Variants in MAPK8 observed in about 807,000 individuals in gnomAD.
The protein encoded by MAPK8 is JUN N-terminal kinase.
A neutral mutation model predicts 52.9 loss-of-function variants in MAPK8; 13 were observed. The ratio of observed to expected loss-of-function variants is 0.25; its 90% confidence interval spans 0.16 to 0.39. MAPK8 has a LOEUF of 0.39. Ranked by LOEUF, MAPK8 falls within the 10% of genes least tolerant of loss-of-function variation. MAPK8 has a pLI of 1.00. For synonymous variants in MAPK8, 191 were observed against 169.8 expected, an observed-to-expected ratio of 1.12 and a Z score of -0.97; for missense variants, 300 against 519.2, an observed-to-expected ratio of 0.58 and a Z score of 4.10.
At position 48,372,332 on chromosome 10, in the gene MAPK8, A is replaced by G. The variant is rs899533427; in HGVS notation, c.-49-29280A>G. On this transcript the variant is annotated intron_variant, in intron 1 of 11. Coordinates refer to ENST00000374189, the MANE Select transcript of MAPK8 (RefSeq NM_001323329.2). ...ACCTCTTCTCCTCCAAAGGATCACA[A>G]CTCCTCACCAGCAAGGCAACAAAAC... is the stretch of plus-strand genomic sequence containing the variant. Among the ~76,000 whole-genome samples, 5 of 152,056 alleles carry G rather than the reference A, an allele frequency of 3.3e-5. No individual in the cohort carries two copies. In the South Asian group the frequency reaches 1.0e-3, roughly 32 times the overall value.
intron 1 of MAPK8, among the ~76,000 whole-genome samples, chr10:48,398,328 AT>A (rs2132934792): frequency 6.6e-6 from 1 of 152,334 alleles, no homozygotes; most frequent in East Asian, 1.9e-4. Flanking sequence ...ACCAAAAATA[AT>A]TACATAAACG....
chr10:48,361,135 C>G (rs1847481808), intron 1 of MAPK8, among the ~76,000 whole-genome samples: 1 of 152,142 alleles, frequency 6.6e-6, no homozygotes, highest in African/African-American at 2.4e-5. Context: ...AGACCAGCTA[C>G]TTTTATACAT....
intron 6 of MAPK8, among the ~76,000 whole-genome samples, chr10:48,421,303 A>G (rs572793263): frequency 1.3e-5 from 2 of 152,322 alleles, no homozygotes; most frequent in African/African-American, 4.8e-5. Flanking sequence ...TTAAGTAAAT[A>G]TGCTGTTCTT....
rs1271377469 is a variant in MAPK8, at chr10:48,433,490, C to CT, written c.1139-1393dup. ...TAGAATATACTATCTGAATTTCACT[C>CT]TGACTGGGAAGCTAATGGACCTTTC... On this transcript the variant is annotated intron_variant, in intron 11 of 11. Coordinates refer to ENST00000374189, the MANE Select transcript of MAPK8 (RefSeq NM_001323329.2). 2.6e-5 allele frequency among the ~76,000 whole-genome samples: 4 copies of CT among 152,140 alleles called. No homozygotes were observed. The South Asian group carries it at 6.2e-4, about 24-fold the overall frequency.
intron 11 of MAPK8, 34 bp from the exon 12 acceptor site, chr10:48,434,850 C>T (rs754232914): frequency 1.3e-6 from 2 of 1,578,572 alleles, no homozygotes; most frequent in Admixed American, 3.5e-5. Flanking sequence ...CAGCTGTCTG[C>T]AACTGATTTG....
At chr10:48,321,268 T>C (rs1842973601) in intron 1 of MAPK8, among the ~76,000 whole-genome samples, 2 of 151,890 alleles carry the variant, frequency 1.3e-5, no homozygotes, top group African/African-American at 2.4e-5. Flanking sequence ...TTAAAATTTT[T>C]TGTAGAGATG....
intron 5 of MAPK8, among the ~76,000 whole-genome samples, chr10:48,413,497 G>A (rs1328554200): frequency 2.0e-5 from 3 of 151,918 alleles, no homozygotes; most frequent in Admixed American, 1.3e-4. Context: ...GTGGTTTCCT[G>A]TTTTTAAGTT....
chr10:48,312,000 T>G (rs914084224), intron 1 of MAPK8, among the ~76,000 whole-genome samples: 2 of 152,216 alleles, frequency 1.3e-5, no homozygotes, highest in African/African-American at 4.8e-5. Context: ...AAGATAAGGA[T>G]TAACGTAAGC....
At chr10:48,360,122 G>A (rs184241951) in intron 1 of MAPK8, among the ~76,000 whole-genome samples, 38 of 152,160 alleles carry the variant, frequency 2.5e-4, no homozygotes, top group Admixed American at 1.6e-3. Context: ...AGCCGAGATC[G>A]TGTCACTGCA....
chr10:48,374,807 G>T (rs1325363498), intron 1 of MAPK8, among the ~76,000 whole-genome samples: 1 of 152,086 alleles, frequency 6.6e-6, no homozygotes, highest in Non-Finnish European at 1.5e-5. Flanking sequence ...TCTACCAGAG[G>T]TACAAAGAGG....
chr10:48,354,769 G>A (rs1005539211), intron 1 of MAPK8, among the ~76,000 whole-genome samples: 4 of 151,640 alleles, frequency 2.6e-5, no homozygotes, highest in Admixed American at 1.3e-4. Context: ...TTTGCAGTGC[G>A]AATTTAACGC....
intron 1 of MAPK8, among the ~76,000 whole-genome samples, chr10:48,379,541 G>C (rs1268781635): frequency 6.6e-6 from 1 of 152,096 alleles, no homozygotes; most frequent in Non-Finnish European, 1.5e-5. Context: ...AAAGAGGAAG[G>C]TAAATGTTTC....
At chr10:48,406,980 G>A (rs1200777168) in intron 3 of MAPK8, among the ~76,000 whole-genome samples, 1 of 152,118 alleles carries the variant, frequency 6.6e-6, no homozygotes, top group Non-Finnish European at 1.5e-5. Flanking sequence ...TTTGTTACAG[G>A]CCTGCCTTAC....
At chr10:48,397,135 G>C (rs1356512387) in intron 1 of MAPK8, among the ~76,000 whole-genome samples, 1 of 151,554 alleles carries the variant, frequency 6.6e-6, no homozygotes, top group South Asian at 2.1e-4. Flanking sequence ...ATTACTTATG[G>C]TAATTTTAAT....
chr10:48,325,673 A>G (rs1843450755), intron 1 of MAPK8, among the ~76,000 whole-genome samples: 1 of 152,212 alleles, frequency 6.6e-6, no homozygotes, highest in Non-Finnish European at 1.5e-5. Flanking sequence ...TACATTATTA[A>G]CTAAAATCCA....
In MAPK8 at chr10:48,437,843, G is replaced by A. The variant is rs1284057456; in HGVS notation, c.*2814G>A. On this transcript the variant is annotated 3_prime_UTR_variant, in exon 12 of 12. Coordinates refer to ENST00000374189, the MANE Select transcript of MAPK8 (RefSeq NM_001323329.2). ...CCTTAACAATCCAAAGAAGCTTGAT[G>A]GTGTGCAAAGAAGCATCCTGCCAGC... 6.6e-6 allele frequency: 1 copy of A among 152,260 alleles called. No homozygotes were observed. Among genetic ancestry groups the A allele is most frequent in the African/African-American group, 2.4e-5 (1 of 41,458 alleles). The allele number at this position is 152,260 out of a possible 1,614,324, so 9.4% of individuals were successfully genotyped here.
intron 1 of MAPK8, among the ~76,000 whole-genome samples, chr10:48,331,093 C>T (rs180867400): frequency 2.0e-4 from 31 of 152,294 alleles, no homozygotes; most frequent in African/African-American, 5.1e-4. Flanking sequence ...TTACCCACCC[C>T]GTTTACTGTC....
chr10:48,329,588 GAAT>G (rs1843906226), intron 1 of MAPK8, among the ~76,000 whole-genome samples: 1 of 151,952 alleles, frequency 6.6e-6, no homozygotes, highest in African/African-American at 2.4e-5. Context: ...TAAGATCAAA[GAAT>G]AAGTGAAAAC....
intron 1 of MAPK8, among the ~76,000 whole-genome samples, chr10:48,371,533 G>C (rs942648131): frequency 6.6e-6 from 1 of 152,066 alleles, no homozygotes; most frequent in Non-Finnish European, 1.5e-5. Flanking sequence ...ATATATCTGA[G>C]GATATGGGGG....
Sources: gnomAD v4.1 joint callset for allele counts (sites outside exome capture counted in the v4.1 genomes callset) on GRCh38, gnomAD v4.1.1 for gene constraint, MANE v1.5 for transcripts, NCBI Gene and HGNC (gene_info 2026-07-23, HGNC 2026-07-21) for gene names.